The following MYH15 variants were observed in gnomAD, a reference collection of about 807,000 sequenced individuals.
MYH15 encodes the protein myosin-15.
Under a neutral mutation model 240.5 loss-of-function variants are expected in MYH15, and 227 were observed. The ratio of observed to expected loss-of-function variants is 0.94; its 90% CI spans 0.85 to 1.05. MYH15 has a LOEUF of 1.05. Ranked by LOEUF, MYH15 falls within the 50% of genes least tolerant of loss-of-function variation. The pLI, the probability that MYH15 is intolerant of heterozygous loss-of-function variation, is 0.00. For synonymous variants in MYH15, 785 were observed against 796.7 expected (o/e 0.99, Z 0.25); for missense variants, 2,217 against 2,247.5 (o/e 0.99, Z 0.27).
chr3:108,543,318 G>A, the MYH15 span: 2 of 152,154 alleles, frequency 1.3e-5, no homozygotes, highest in Non-Finnish European at 2.9e-5. Flanking sequence ...GAACATACAT[G>A]TGCATGTATT....
intron 33 of MYH15, among the ~76,000 whole-genome samples, chr3:108,403,945 A>G (rs766284933): frequency 9.9e-5 from 15 of 151,350 alleles, no homozygotes; most frequent in South Asian, 6.3e-4. Context: ...GTTTATTTAT[A>G]GGCACAGGTC....
intron 1 of MYH15, among the ~76,000 whole-genome samples, chr3:108,522,393 T>A (rs2083627043): frequency 6.6e-6 from 1 of 152,090 alleles, no homozygotes; most frequent in Admixed American, 6.6e-5. Context: ...CAGTGTTACT[T>A]CTTCTCTGGG....
rs2082681054 is a variant in MYH15 at position 108,421,217 on chromosome 3, A to G, written c.3703-3T>C. On this transcript the variant is annotated splice_polypyrimidine_tract_variant and splice_region_variant and intron_variant, in intron 27 of 40. Coordinates refer to ENST00000693548, the MANE Select transcript of MYH15 (RefSeq NM_014981.3). ...GTACAGAGTTTCTCAGCATTTGCCTATAAGTTGAGAAAGAAGGGCTGGTCA... is the reference window on the plus strand; with the variant it reads ...GTACAGAGTTTCTCAGCATTTGCCTGTAAGTTGAGAAAGAAGGGCTGGTCA... The G allele has an allele frequency of 3.1e-6, 5 of 1,611,006 alleles. No individual in the cohort carries two copies. Among genetic ancestry groups the G allele is most frequent in the South Asian group, 2.2e-5 (2 of 91,042 alleles).
intron 21 of MYH15, among the ~76,000 whole-genome samples, chr3:108,447,499 C>T (rs778352583): frequency 1.3e-5 from 2 of 151,954 alleles, no homozygotes; most frequent in Non-Finnish European, 2.9e-5. Context: ...TAATGAAACC[C>T]TCATGAGACT....
chr3:108,515,478 T>C (rs139630643), upstream of MYH15, among the ~76,000 whole-genome samples: 871 of 152,362 alleles, frequency 5.7e-3, 7 homozygotes, highest in Non-Finnish European at 8.7e-3. Context: ...CTGCCTTTGA[T>C]TTCCATAAGC....
chr3:108,391,669 T>C, intron 37 of MYH15, 91 bp downstream of exon 37: 2 of 1,311,480 alleles, frequency 1.5e-6, no homozygotes, highest in South Asian at 1.4e-5. Context: ...AAAGGGTATG[T>C]GTGTTGGGGG....
At chr3:108,406,161 C>T (rs2082545032) in intron 32 of MYH15, among the ~76,000 whole-genome samples, 1 of 152,006 alleles carries the variant, frequency 6.6e-6, no homozygotes, top group Non-Finnish European at 1.5e-5. Flanking sequence ...ATCTTTAAAA[C>T]CCGTCCTGAA....
intron 34 of MYH15, 22 bp downstream of exon 34, chr3:108,399,053 C>T: frequency 6.2e-7 from 1 of 1,605,340 alleles, no homozygotes; most frequent in Non-Finnish European, 8.5e-7. Context: ...CCTCCCTACC[C>T]CATCTTACAG....
In MYH15 at chr3:108,517,912, T is replaced by C. The variant is rs1576280036; in HGVS notation, c.-57-7325A>G. On this transcript the variant is annotated intron_variant, in intron 1 of 41. Transcript: ENST00000273353. ...TATAATCAGTGACTATAATTCAGTA[T>C]GATAAATGCTAGGTGCTAGGATAGA... Among the ~76,000 whole-genome samples the C allele has an allele frequency of 2.0e-5, 3 of 152,314 alleles. No individual in the cohort carries two copies. In the Middle Eastern group the frequency reaches 0.01, roughly 518 times the overall value.
At chr3:108,414,542 A>G (rs762355344) in intron 29 of MYH15, 114 bp from the exon 30 acceptor site, 23 of 877,722 alleles carry the variant, frequency 2.6e-5, no homozygotes, top group Non-Finnish European at 3.6e-5. Context: ...CACAAATTCA[A>G]GCCGAACCTG....
intron 27 of MYH15, among the ~76,000 whole-genome samples, chr3:108,425,111 G>A (rs375172209): frequency 6.6e-6 from 1 of 152,206 alleles, no homozygotes; most frequent in African/African-American, 2.4e-5. Flanking sequence ...TCAAAAACAG[G>A]TAAGTCTTTA....
At position 108,388,905 on chromosome 3, in the gene MYH15, T is replaced by C. The variant is rs1399647179; in HGVS notation, c.5535+65A>G. ...GAGTCCCAGAAGGCCATTTCAGGCTTGAAGGAGTACTTTTCTGCAGGGTAG... is the reference window on the plus strand; with the variant it reads ...GAGTCCCAGAAGGCCATTTCAGGCTCGAAGGAGTACTTTTCTGCAGGGTAG... On this transcript the variant is annotated intron_variant, in intron 38 of 40. Coordinates refer to ENST00000693548, the MANE Select transcript of MYH15 (RefSeq NM_014981.3). 2.8e-6 allele frequency: 4 copies of C among 1,427,872 alleles called. No individual in the cohort carries two copies. In the African/African-American group the frequency reaches 5.7e-5, roughly 20 times the overall value. 88.5% of individuals were successfully genotyped at this position (1,427,872 alleles called of 1,614,324 possible). A position where few individuals can be genotyped will look rare whatever the true frequency, so the allele number is the denominator to read the frequency against.
chr3:108,470,931 T>C, intron 12 of MYH15, 84 bp from the exon 13 acceptor site: 3 of 1,379,342 alleles, frequency 2.2e-6, no homozygotes, highest in Non-Finnish European at 3.0e-6. Flanking sequence ...AACTGCCTTC[T>C]AGTCAAATTA....
At chr3:108,421,011 T>C (rs2082678186) in intron 28 of MYH15, 77 bp downstream of exon 28, 3 of 1,590,150 alleles carry the variant, frequency 1.9e-6, no homozygotes, top group Non-Finnish European at 2.6e-6. Context: ...CAGTGGGTAG[T>C]TCATTATCTC....
intron 13 of MYH15, 32 bp downstream of exon 13, chr3:108,470,666 G>A (rs374076506): frequency 6.2e-7 from 1 of 1,605,686 alleles, no homozygotes; most frequent in Non-Finnish European, 8.5e-7. Flanking sequence ...TTATAAATAT[G>A]CATTGACTTC....
At position 108,510,532 on chromosome 3, in the gene MYH15, T is replaced by C; in HGVS notation, c.-2A>G. On this transcript the variant is annotated 5_prime_UTR_variant, in exon 1 of 41. Transcript: ENST00000693548. The stretch of plus-strand genomic sequence containing the variant: ...TTCTCCAAGGTCTGACAGATCCATC[T>C]TTATTAAAGCAATCCACCAAAAAAA... 6.2e-7 allele frequency: 1 copy of C among 1,613,706 alleles called. No homozygotes were observed. The highest frequency in any genetic ancestry group is 8.5e-7 in the Non-Finnish European group (1 of 1,179,802).
At chr3:108,504,379 C>T (rs1023754475) in intron 2 of MYH15, among the ~76,000 whole-genome samples, 2 of 152,100 alleles carry the variant, frequency 1.3e-5, no homozygotes, top group African/African-American at 4.8e-5. Flanking sequence ...TAACATCTAC[C>T]TAATTTGAGA....
In MYH15 at chr3:108,388,962, T is replaced by C. The variant is rs1035296509; in HGVS notation, c.5535+8A>G. On this transcript the variant is annotated splice_region_variant and intron_variant, in intron 38 of 40. Transcript: ENST00000693548. ...GCCAGACAAACAGGGAATGGTTTCC[T>C]GGAGTACCTGATAGGTCAGCTCTTT... The C allele has an allele frequency of 6.2e-7, 1 of 1,612,292 alleles. No homozygotes were observed. Among genetic ancestry groups the C allele is most frequent in the Non-Finnish European group, 8.5e-7 (1 of 1,178,952 alleles).
At chr3:108,448,659 A>G (rs12054124) in intron 21 of MYH15, among the ~76,000 whole-genome samples, 12,215 of 152,054 alleles carry the variant, frequency 0.08, 1,254 homozygotes, top group East Asian at 0.53. Context: ...TAAAGGCCAT[A>G]TATGACAAGC....
Sources: allele counts gnomAD v4.1 joint callset (sites outside exome capture counted in the v4.1 genomes callset), GRCh38; gene constraint gnomAD v4.1.1; transcripts MANE v1.5; gene names NCBI Gene and HGNC (gene_info 2026-07-23, HGNC 2026-07-21).